The following HK1 variants were observed in gnomAD, a reference collection of about 807,000 sequenced individuals.
HK1 encodes hexokinase-1.
A neutral mutation model predicts 91.6 loss-of-function variants in HK1; 28 were observed. That is an observed-to-expected ratio of 0.31 (90% CI 0.23 to 0.42). HK1 has a LOEUF of 0.42. HK1 is among the 10% of genes least tolerant of loss of function. HK1 has a pLI of 1.00. For missense variants in HK1, 770 were observed against 1,219.8 expected, an observed-to-expected ratio of 0.63 and a Z score of 5.49; for synonymous variants, 430 against 468.1, an observed-to-expected ratio of 0.92 and a Z score of 1.05.
At chr10:69,366,344 A>T (rs1056846773) in intron 4 of HK1, among the ~76,000 whole-genome samples, 2 of 152,116 alleles carry the variant, frequency 1.3e-5, no homozygotes, top group Non-Finnish European at 2.9e-5. Context: ...GGCACCTTCC[A>T]CACTTGCAGG....
At chr10:69,319,311 G>A (rs1444361785) in intron 1 of HK1, 1 of 525,440 alleles carries the variant, frequency 1.9e-6, no homozygotes, top group Non-Finnish European at 3.4e-6. Context: ...GTGCGGGGAG[G>A]TGGCCGGTGG....
At chr10:69,365,272 C>T (rs146450916) in intron 4 of HK1, among the ~76,000 whole-genome samples, 76 of 152,184 alleles carry the variant, frequency 5.0e-4, no homozygotes, top group African/African-American at 1.6e-3. Flanking sequence ...CTGGTTACTG[C>T]GAATATGCTC....
chr10:69,346,690 G>A (rs1386273058), intron 2 of HK1, among the ~76,000 whole-genome samples: 1 of 150,986 alleles, frequency 6.6e-6, no homozygotes, highest in Non-Finnish European at 1.5e-5. Flanking sequence ...TTTTTTAGTT[G>A]TTCTTCAATA....
intron 1 of HK1, among the ~76,000 whole-genome samples, chr10:69,343,344 T>C (rs1848386117): frequency 1.3e-5 from 2 of 152,214 alleles, no homozygotes; most frequent in African/African-American, 4.8e-5. Context: ...CTATCTATCA[T>C]CTCAGTTTTT....
intron 1 of HK1, chr10:69,278,528 G>A (rs1195299876): frequency 6.6e-6 from 1 of 152,254 alleles, no homozygotes; most frequent in Non-Finnish European, 1.5e-5. Flanking sequence ...TTCCAGGTCA[G>A]GGAATGCACT....
At chr10:69,387,118 C>T (rs10823356) in intron 13 of HK1, among the ~76,000 whole-genome samples, 61,890 of 151,794 alleles carry the variant, frequency 0.41, 12,981 homozygotes, top group African/African-American at 0.49. Flanking sequence ...CCACTCCGTC[C>T]GGGACCATGA....
chr10:69,275,542 T>C (rs1844396036), intron 1 of HK1, among the ~76,000 whole-genome samples: 1 of 152,184 alleles, frequency 6.6e-6, no homozygotes, highest in African/African-American at 2.4e-5. Flanking sequence ...GCAGTCACAA[T>C]TGTAGGCTCT....
At chr10:69,348,706 GAGGCTGAGGCACGAGAATC>G (rs1848693986) in intron 2 of HK1, among the ~76,000 whole-genome samples, 1 of 152,158 alleles carries the variant, frequency 6.6e-6, no homozygotes, top group African/African-American at 2.4e-5. Context: ...AGCTACCTGG[GAGGCTGAGGCACGAGAATC>G]ACTTGAACCT....
rs1299368381 is a variant in HK1 at position 69,371,793 on chromosome 10, GT to G, written c.875+2171del. Among the ~76,000 whole-genome samples the G allele has an allele frequency of 1.4e-4, 22 of 152,308 alleles. No homozygotes were observed. The South Asian group carries it at 4.6e-3, about 32-fold the overall frequency. On this transcript the variant is annotated intron_variant, in intron 7 of 17. Transcript: ENST00000359426. ...GGCTAAACTATAAACTGTGTTTACA[GT>G]TGGCTTGCAATAAATATTTTTGGGA...
intron 5 of HK1, among the ~76,000 whole-genome samples, chr10:69,308,941 C>T (rs540669832): frequency 7.2e-5 from 11 of 152,086 alleles, no homozygotes; most frequent in Non-Finnish European, 1.6e-4. Context: ...AAGCTCAGTC[C>T]CTAACAGGCC....
At chr10:69,307,842 C>A (rs771773100) in intron 5 of HK1, among the ~76,000 whole-genome samples, 1 of 151,752 alleles carries the variant, frequency 6.6e-6, no homozygotes, top group East Asian at 1.9e-4. Flanking sequence ...AATATATTTT[C>A]TTTTCTTTTT....
intron 1 of HK1, among the ~76,000 whole-genome samples, chr10:69,334,993 C>T (rs751243051): frequency 1.3e-5 from 2 of 152,050 alleles, no homozygotes; most frequent in Non-Finnish European, 2.9e-5. Context: ...GCAGACTGGA[C>T]GGGGCTTGCG....
intron 1 of HK1, among the ~76,000 whole-genome samples, chr10:69,278,133 A>G (rs1844559656): frequency 6.6e-6 from 1 of 152,200 alleles, no homozygotes. Context: ...CTGAGGGGGC[A>G]GAGGAAATGA....
chr10:69,337,141 T>C (rs1848035145), intron 1 of HK1, among the ~76,000 whole-genome samples: 1 of 152,290 alleles, frequency 6.6e-6, no homozygotes, highest in Non-Finnish European at 1.5e-5. Flanking sequence ...AAGTAACTTG[T>C]CCAAAGTCAC....
At position 69,369,885 on chromosome 10, in the gene HK1, G is replaced by A. The variant is rs1430819984; in HGVS notation, c.875+261G>A. 6.6e-6 allele frequency among the ~76,000 whole-genome samples: 1 copy of A among 152,104 alleles called. No individual in the cohort carries two copies. The highest frequency in any genetic ancestry group is 1.5e-5 in the Non-Finnish European group (1 of 68,028). On this transcript the variant is annotated intron_variant, in intron 7 of 17. Coordinates refer to ENST00000359426, the MANE Select transcript of HK1 (RefSeq NM_000188.3). The surrounding 1 kb of genome is among the most constrained non-coding windows in gnomAD (Gnocchi z 4.4). The stretch of plus-strand genomic sequence containing the variant: ...TCCAAGTAGCTGGGATTACAGGCAT[G>A]CATCACCATGCCCAGCTAATTTTTG...
At chr10:69,342,160 CA>C (rs1848322832) in intron 1 of HK1, among the ~76,000 whole-genome samples, 2 of 97,806 alleles carry the variant, frequency 2.0e-5, no homozygotes, top group African/African-American at 7.4e-5. Flanking sequence ...AAACCAACCC[CA>C]AAAACAAACA....
In HK1 at chr10:69,368,708, C is replaced by G; in HGVS notation, c.591+77C>G. Reference sequence around the variant, plus strand: ...GGCTGCATTCTAAAACAGACCAGTGCCCTTCCTGGGGGGCAGTAGTGCCAA... The same window carrying G: ...GGCTGCATTCTAAAACAGACCAGTGGCCTTCCTGGGGGGCAGTAGTGCCAA... On this transcript the variant is annotated intron_variant, in intron 5 of 17. Coordinates refer to ENST00000359426, the MANE Select transcript of HK1 (RefSeq NM_000188.3). The G allele has an allele frequency of 3.5e-6, 4 of 1,152,732 alleles. No homozygotes were observed. The East Asian group carries it at 9.6e-5, about 28-fold the overall frequency. The allele number at this position is 1,152,732 out of a possible 1,614,324, so 71.4% of individuals were successfully genotyped here. A position where few individuals can be genotyped will look rare whatever the true frequency, so the allele number is the denominator to read the frequency against.
intron 3 of HK1, among the ~76,000 whole-genome samples, chr10:69,295,340 C>G (rs914159583): frequency 6.6e-6 from 1 of 152,142 alleles, no homozygotes; most frequent in African/African-American, 2.4e-5. Flanking sequence ...CCTTGAGGGC[C>G]GAACCACGGT....
rs751779082 is a variant in HK1 at position 69,382,468 on chromosome 10, TCCCCC to T, written c.1266-17_1266-13del. 1.2e-6 allele frequency: 2 copies of T among 1,613,684 alleles called. No individual in the cohort carries two copies. Among genetic ancestry groups the T allele is most frequent in the East Asian group, 4.5e-5 (2 of 44,888 alleles). On this transcript the variant is annotated splice_polypyrimidine_tract_variant and intron_variant, in intron 9 of 17. Transcript: ENST00000359426. ...TGCTCAGTCCAGCTGTTGTGGAATG[TCCCCC>T]CTGCCCCCATAAGGTATTCCCGGCG...
Sources: gnomAD v4.1 joint callset for allele counts (sites outside exome capture counted in the v4.1 genomes callset) on GRCh38, gnomAD v4.1.1 for gene constraint, Gnocchi (gnomAD v3.1) non-coding constraint, MANE v1.5 for transcripts, NCBI Gene and HGNC (gene_info 2026-07-23, HGNC 2026-07-21) for gene names.